NLRP1: variants seen among roughly 807,000 people sequenced by gnomAD.
The protein encoded by NLRP1 is NACHT, LRR and PYD domains-containing protein 1.
In NLRP1, 94 loss-of-function variants were observed where a neutral mutation model predicts 136.7. That is an observed-to-expected ratio of 0.69 (90% CI 0.58 to 0.82). The LOEUF (loss-of-function observed/expected upper bound fraction) is 0.82, where lower values mean the gene tolerates loss of function less well. Ranked by LOEUF, NLRP1 falls within the 40% of genes least tolerant of loss-of-function variation. The probability of loss-of-function intolerance (pLI) is 0.00; values close to 1 mark genes in which losing one functional copy is unlikely to be tolerated. For synonymous variants in NLRP1, 690 were observed against 725.1 expected (o/e 0.95, Z 0.78); for missense variants, 1,575 against 1,802.7 (o/e 0.87, Z 2.29).
intron 8 of NLRP1, among the ~76,000 whole-genome samples, chr17:5,535,585 G>C (rs1386098157): frequency 6.6e-6 from 1 of 152,202 alleles, no homozygotes; most frequent in Non-Finnish European, 1.5e-5. Context: ...GGGATAACCT[G>C]TGCCTGTCTC....
At chr17:5,582,269 C>G (rs1447570335) in intron 2 of NLRP1, among the ~76,000 whole-genome samples, 1 of 152,092 alleles carries the variant, frequency 6.6e-6, no homozygotes, top group Non-Finnish European at 1.5e-5. Context: ...AGGACTAAGC[C>G]TAGCCTCTTC....
In NLRP1 at chr17:5,539,573, A is replaced by G. The variant is rs201871866; in HGVS notation, c.2712T>C (p.Cys904=). Residue 904 remains cysteine, a synonymous_variant, in exon 7 of 17, where the codon TGT becomes TGC. Coordinates refer to ENST00000572272, the MANE Select transcript of NLRP1 (RefSeq NM_033004.4). ...CKLQRLQLVS[C]GLTSDCCQDL... ...CCTGGCAGCAGTCAGACGTGAGGCC[A>G]CAGCTGACCAGCCTGCAGGAAAGAT... 5.0e-6 allele frequency: 8 copies of G among 1,610,324 alleles called. No homozygotes were observed. The highest frequency in any genetic ancestry group is 6.8e-6 in the Non-Finnish European group (8 of 1,178,674).
At chr17:5,546,686 T>C (rs1216740368) in intron 5 of NLRP1, among the ~76,000 whole-genome samples, 1 of 151,866 alleles carries the variant, frequency 6.6e-6, no homozygotes, top group Non-Finnish European at 1.5e-5. Flanking sequence ...CACTTGTGGG[T>C]GAAATATTAA....
chr17:5,583,707 G>A lies in NLRP1; in HGVS notation c.251C>T (p.Ala84Val), dbSNP rs1905968506. 1 of 1,554,162 alleles carries A rather than the reference G, an allele frequency of 6.4e-7. No individual in the cohort carries two copies. Among genetic ancestry groups the A allele is most frequent in the Non-Finnish European group, 8.7e-7 (1 of 1,149,224 alleles). Residue 84 changes from alanine to valine, a missense_variant, in exon 1 of 17, where the codon GCC becomes GTC. Ala to Val is a moderately conservative substitution (Grantham distance 64). Transcript: ENST00000572272. This position sits in a 1 kb window ranked among gnomAD's most constrained non-coding sequence, Gnocchi z 4.5. ...WEQMGLRSLCAQAQEGAGHSP... is the reference protein window; with the variant it reads ...WEQMGLRSLCVQAQEGAGHSP... Reference sequence around the variant, plus strand: ...CTCACCTGCCCCTTCCTGGGCTTGGGCGCACAGTGACCTCAGCCCCATCTG... The same window carrying A: ...CTCACCTGCCCCTTCCTGGGCTTGGACGCACAGTGACCTCAGCCCCATCTG...
At chr17:5,520,833 A>G in intron 14 of NLRP1, 48 bp downstream of exon 14, 2 of 1,484,898 alleles carry the variant, frequency 1.3e-6, no homozygotes, top group Non-Finnish European at 1.8e-6. Flanking sequence ...ATTCATTCCC[A>G]GGTAGGACTT....
intron 14 of NLRP1, chr17:5,518,204 A>G (rs1056784123): frequency 1.2e-5 from 3 of 241,364 alleles, no homozygotes; most frequent in Non-Finnish European, 2.4e-5. Context: ...CTGTCTTCCC[A>G]ATGGACCCTA....
chr17:5,569,716 CAGAATACTAACAAAGATATTTGGG>C (rs748382100), intron 3 of NLRP1, among the ~76,000 whole-genome samples: 154 of 152,184 alleles, frequency 1.0e-3, no homozygotes, highest in Non-Finnish European at 2.0e-3. Context: ...ATCATCAAGG[CAGAATACTAACAAAGATATTTGGG>C]ACCTAAATTC....
At chr17:5,560,398 A>G (rs1914599460) in intron 3 of NLRP1, among the ~76,000 whole-genome samples, 1 of 152,174 alleles carries the variant, frequency 6.6e-6, no homozygotes, top group African/African-American at 2.4e-5. Flanking sequence ...TATGAGCCTC[A>G]GTTTTCTCAT....
intron 3 of NLRP1, among the ~76,000 whole-genome samples, chr17:5,572,962 C>G (rs1286916026): frequency 6.6e-6 from 1 of 152,140 alleles, no homozygotes; most frequent in Non-Finnish European, 1.5e-5. Context: ...GCTTGTCAGA[C>G]AGTGGGTGCA....
intron 12 of NLRP1, among the ~76,000 whole-genome samples, chr17:5,524,037 C>T (rs1460956873): frequency 1.3e-5 from 2 of 152,216 alleles, no homozygotes; most frequent in Non-Finnish European, 2.9e-5. Flanking sequence ...GATTCTCATG[C>T]CTCAGCCTCC....
intron 3 of NLRP1, among the ~76,000 whole-genome samples, chr17:5,576,879 C>T (rs901692766): frequency 2.0e-5 from 3 of 152,186 alleles, no homozygotes; most frequent in African/African-American, 7.2e-5. Flanking sequence ...ACTGGCAAAC[C>T]GAATCCAGCA....
At chr17:5,544,367 A>T (rs1912279068) in intron 5 of NLRP1, among the ~76,000 whole-genome samples, 1 of 152,158 alleles carries the variant, frequency 6.6e-6, no homozygotes, top group Non-Finnish European at 1.5e-5. Context: ...TAGATACCTA[A>T]TGCATCCTGG....
intron 3 of NLRP1, among the ~76,000 whole-genome samples, chr17:5,572,080 C>G (rs1201156806): frequency 6.6e-6 from 1 of 152,142 alleles, no homozygotes; most frequent in Non-Finnish European, 1.5e-5. Context: ...CTTCCTGATA[C>G]TATATACAAA....
Position 5,501,939 on chromosome 17 carries a change from C to T in NLRP1, c.4070-67G>A, listed in dbSNP as rs78966851. On this transcript the variant is annotated intron_variant, in intron 15 of 15. Coordinates refer to the NLRP1 transcript ENST00000262467. ...CCAGTAGATTGGAGAGGTCCACTGG[C>T]CGGCTTTGTTAGTTGCAGCAAATCC... 12,856 of 1,433,556 alleles carry T rather than the reference C, an allele frequency of 9.0e-3. 68 individuals carry two copies. The highest frequency in any genetic ancestry group is 0.01 in the Non-Finnish European group (10,485 of 1,016,938). The allele number at this position is 1,433,556 out of a possible 1,614,324, so 88.8% of individuals were successfully genotyped here.
At position 5,541,860 on chromosome 17, in the gene NLRP1, A is replaced by C; in HGVS notation, c.2696T>G (p.Leu899Arg). The part of the protein sequence containing the change: ...LRQPSCKLQR[L>R]QLVSCGLTSD... ...CCTGCCCACCAAGAACAATTACTGC[A>C]GTCGCTGTAGCTTGCAGCTCGGCTG... Residue 899 changes from leucine to arginine, a missense_variant, in exon 6 of 17, where the codon CTG (leucine) becomes CGG (arginine). Leu to Arg is a moderately radical substitution (Grantham distance 102). Coordinates refer to ENST00000572272, the MANE Select transcript of NLRP1 (RefSeq NM_033004.4). This position sits in a 1 kb window ranked among gnomAD's most constrained non-coding sequence, Gnocchi z 4.2. 6.2e-7 allele frequency: 1 copy of C among 1,613,802 alleles called. No individual in the cohort carries two copies. The highest frequency in any genetic ancestry group is 1.3e-5 in the African/African-American group (1 of 74,988).
chr17:5,558,910 A>T lies in NLRP1; in HGVS notation c.1786T>A (p.Leu596Ile). 1 of 1,614,058 alleles carries T rather than the reference A, an allele frequency of 6.2e-7. No homozygotes were observed. Among genetic ancestry groups the T allele is most frequent in the Non-Finnish European group, 8.5e-7 (1 of 1,179,994 alleles). ...AAGGTGGAGATGATGGCCCCATCTA[A>T]CCCATGCTTCCTGAGGTCATCTGGA... ...FSPDDLRKHGLDGAIISTFLK... is the reference protein window; with the variant it reads ...FSPDDLRKHGIDGAIISTFLK... The change falls in exon 4 of 17, where the codon TTA (leucine) becomes ATA (isoleucine). Residue 596 changes from leucine to isoleucine, a missense_variant. Physicochemically the swap from Leu to Ile is conservative, Grantham distance 5. Transcript: ENST00000572272.
rs1914435944 is a variant in NLRP1, at chr17:5,559,044, CAG to C, written c.1650_1651del (p.Cys551SerfsTer26). On this transcript the variant is annotated frameshift_variant, in exon 4 of 17. Transcript: ENST00000572272. LOFTEE classifies it high-confidence loss of function. Reference sequence around the variant, plus strand: ...GAGAGCCTGGGCAAGGTAATGTAGACAGAGGGTTGTGGTGGTCTTGGAAGTCA... The same window carrying C: ...GAGAGCCTGGGCAAGGTAATGTAGACAGGGTTGTGGTGGTCTTGGAAGTCA... 1 of 1,614,138 alleles carries C rather than the reference CAG, an allele frequency of 6.2e-7. No individual in the cohort carries two copies. Among genetic ancestry groups the C allele is most frequent in the East Asian group, 2.2e-5 (1 of 44,870 alleles).
intron 3 of NLRP1, among the ~76,000 whole-genome samples, chr17:5,578,049 T>C (rs936721653): frequency 1.5e-4 from 22 of 151,510 alleles, no homozygotes; most frequent in African/African-American, 5.3e-4. Flanking sequence ...GGAAAACTGG[T>C]TAGCCATATG....
chr17:5,543,569 C>T (rs1240600573), intron 5 of NLRP1, among the ~76,000 whole-genome samples: 2 of 151,796 alleles, frequency 1.3e-5, no homozygotes, highest in Non-Finnish European at 2.9e-5. Context: ...CTCTGCATTG[C>T]TTTAGAAAGA....
Sources: gnomAD v4.1 joint callset for allele counts (sites outside exome capture counted in the v4.1 genomes callset) on GRCh38, gnomAD v4.1.1 for gene constraint, Gnocchi (gnomAD v3.1) non-coding constraint, MANE v1.5 for transcripts, NCBI Gene and HGNC (gene_info 2026-07-23, HGNC 2026-07-21) for gene names.